EEF2K: variants seen among roughly 807,000 people sequenced by gnomAD.
The protein encoded by EEF2K is alternative protein EEF2K.
A neutral mutation model predicts 93.8 loss-of-function variants in EEF2K; 70 were observed. The observed-to-expected ratio is 0.75, with a 90% CI of 0.62 to 0.91. EEF2K has a LOEUF of 0.91. Ranked by LOEUF, EEF2K falls within the 40% of genes least tolerant of loss-of-function variation. The pLI, the probability that EEF2K is intolerant of heterozygous loss-of-function variation, is 0.00. For synonymous variants in EEF2K, 376 were observed against 380.8 expected (o/e 0.99, Z 0.15); for missense variants, 935 against 972.9 (o/e 0.96, Z 0.52).
intron 16 of EEF2K, among the ~76,000 whole-genome samples, chr16:22,275,525 TACAG>T (rs1225663267): frequency 6.6e-6 from 1 of 151,718 alleles, no homozygotes; most frequent in East Asian, 1.9e-4. Context: ...ATATTTTAAA[TACAG>T]ACAAGATTTC....
At chr16:22,218,242 G>C (rs2046977238) in intron 1 of EEF2K, among the ~76,000 whole-genome samples, 1 of 152,226 alleles carries the variant, frequency 6.6e-6, no homozygotes, top group Non-Finnish European at 1.5e-5. Context: ...ACAGAAGCTG[G>C]TGCGTGATTC....
chr16:22,252,930 T>C (rs995136326), intron 6 of EEF2K, among the ~76,000 whole-genome samples: 4 of 152,140 alleles, frequency 2.6e-5, no homozygotes, highest in Non-Finnish European at 5.9e-5. Context: ...ACCCCCATGA[T>C]TCAATTATCT....
intron 14 of EEF2K, 82 bp downstream of exon 14, chr16:22,266,606 C>A (rs2047521918): frequency 6.3e-7 from 1 of 1,591,752 alleles, no homozygotes. Flanking sequence ...CTAATCACTT[C>A]CTCCCGCAGG....
At position 22,258,636 on chromosome 16, in the gene EEF2K, ACT is replaced by A. The variant is rs2047432623; in HGVS notation, c.1178_1179del (p.Leu393ProfsTer24). ...GAGAACATGAGCGACGTGACCTTCG[ACT>A]CTCTCCCTTCTTCCCCATCTTCGGC... On this transcript the variant is annotated frameshift_variant, in exon 10 of 18. Coordinates refer to ENST00000263026, the MANE Select transcript of EEF2K (RefSeq NM_013302.5). LOFTEE classifies it high-confidence loss of function. The A allele has an allele frequency of 6.2e-7, 1 of 1,613,104 alleles. No homozygotes were observed. Among genetic ancestry groups the A allele is most frequent in the Non-Finnish European group, 8.5e-7 (1 of 1,179,792 alleles).
At chr16:22,216,219 T>G (rs112629206) in intron 1 of EEF2K, among the ~76,000 whole-genome samples, 8 of 152,190 alleles carry the variant, frequency 5.3e-5, no homozygotes, top group African/African-American at 1.9e-4. Context: ...GTTTAAAATA[T>G]CTTCAGAACA....
At chr16:22,218,898 G>C (rs2046985196) in intron 1 of EEF2K, among the ~76,000 whole-genome samples, 1 of 150,494 alleles carries the variant, frequency 6.6e-6, no homozygotes, top group Non-Finnish European at 1.5e-5. Flanking sequence ...GGCCGAAGAG[G>C]GTGGATCACT....
rs748228451 is a variant in EEF2K, at chr16:22,266,528, T to C, written c.1575+4T>C. On this transcript the variant is annotated splice_donor_region_variant and intron_variant, in intron 14 of 17. Transcript: ENST00000263026. Reference sequence around the variant, plus strand: ...CGGGAAGTCCATTTTGGGGAAGGTATCGGCGATGCCCATTTTGGAGCCCTG... The same window carrying C: ...CGGGAAGTCCATTTTGGGGAAGGTACCGGCGATGCCCATTTTGGAGCCCTG... 38 of 1,613,932 alleles carry C rather than the reference T, an allele frequency of 2.4e-5. No individual in the cohort carries two copies. The highest frequency in any genetic ancestry group is 2.3e-5 in the Non-Finnish European group (27 of 1,179,980).
chr16:22,253,960 A>G (rs1378448280), intron 6 of EEF2K, among the ~76,000 whole-genome samples: 1 of 151,970 alleles, frequency 6.6e-6, no homozygotes, highest in East Asian at 1.9e-4. Flanking sequence ...TTAGCTGGGC[A>G]TGGTGGTGCA....
intron 6 of EEF2K, among the ~76,000 whole-genome samples, chr16:22,254,045 G>T (rs1397065544): frequency 6.6e-6 from 1 of 152,152 alleles, no homozygotes; most frequent in Non-Finnish European, 1.5e-5. Flanking sequence ...GCTGCAGTGA[G>T]CCGAGATTGG....
intron 16 of EEF2K, among the ~76,000 whole-genome samples, chr16:22,274,783 A>G (rs1398674544): frequency 6.6e-6 from 1 of 151,934 alleles, no homozygotes; most frequent in African/African-American, 2.4e-5. Context: ...AAATTTTTAA[A>G]TTTGTTGGAG....
intron 2 of EEF2K, among the ~76,000 whole-genome samples, chr16:22,231,494 C>T (rs1265359695): frequency 2.0e-5 from 3 of 152,054 alleles, no homozygotes; most frequent in Admixed American, 1.3e-4. Flanking sequence ...GGGAAGTTTG[C>T]ACCCAGCAGT....
chr16:22,206,879 A>G (rs768666093), intron 1 of EEF2K, among the ~76,000 whole-genome samples, 200 bp downstream of exon 1: 7 of 152,126 alleles, frequency 4.6e-5, no homozygotes, highest in Non-Finnish European at 8.8e-5. Context: ...GCTTTGGAGA[A>G]ATGGGGAAGT....
In EEF2K at chr16:22,286,284, T is replaced by C. The variant is rs183593878; in HGVS notation, c.*2288T>C. ...TTTAAACCAGTGCATATAAATTGTATGTTAAATGTAAGTAACTTTAAGTTG... is the reference window on the plus strand; with the variant it reads ...TTTAAACCAGTGCATATAAATTGTACGTTAAATGTAAGTAACTTTAAGTTG... On this transcript the variant is annotated 3_prime_UTR_variant, in exon 18 of 18. Coordinates refer to ENST00000263026, the MANE Select transcript of EEF2K (RefSeq NM_013302.5). 1.3e-5 allele frequency: 2 copies of C among 152,338 alleles called. No individual in the cohort carries two copies. The highest frequency in any genetic ancestry group is 1.9e-4 in the East Asian group (1 of 5,186). 9.4% of individuals were successfully genotyped at this position (152,338 alleles called of 1,614,324 possible).
intron 6 of EEF2K, among the ~76,000 whole-genome samples, chr16:22,255,884 T>TG (rs1335765324): frequency 6.6e-6 from 1 of 151,860 alleles, no homozygotes; most frequent in Non-Finnish European, 1.5e-5. Flanking sequence ...CACTCCAGCC[T>TG]GGGCGACAGA....
intron 3 of EEF2K, among the ~76,000 whole-genome samples, chr16:22,245,183 G>A (rs1249145411): frequency 6.6e-6 from 1 of 152,048 alleles, no homozygotes; most frequent in Non-Finnish European, 1.5e-5. Context: ...CAGGAGAATC[G>A]CTTGAACTCA....
chr16:22,279,323 T>TAACTCCTGGGCTCAAGCTATCCTCC (rs1174255965), intron 16 of EEF2K, among the ~76,000 whole-genome samples: 1 of 149,686 alleles, frequency 6.7e-6, no homozygotes, highest in African/African-American at 2.4e-5. Flanking sequence ...CTGCAGCCTC[T>TAACTCCTGGGCTCAAGCTATCCTCC]AACTCCTGGG....
At chr16:22,230,575 G>A (rs1349051270) in intron 2 of EEF2K, among the ~76,000 whole-genome samples, 1 of 152,062 alleles carries the variant, frequency 6.6e-6, no homozygotes, top group African/African-American at 2.4e-5. Flanking sequence ...AGGCTGGAGT[G>A]CAGTGACATG....
chr16:22,247,445 CA>C lies in EEF2K; in HGVS notation c.348-1295del, dbSNP rs376610133. Among the ~76,000 whole-genome samples, 882 of 138,946 alleles carry C rather than the reference CA, an allele frequency of 6.3e-3. 6 individuals are homozygous for C. Among genetic ancestry groups the C allele is most frequent in the African/African-American group, 0.016 (593 of 38,074 alleles). 91.2% of individuals were successfully genotyped at this position (138,946 alleles called of 152,430 possible). A position where few individuals can be genotyped will look rare whatever the true frequency, so the allele number is the denominator to read the frequency against. On this transcript the variant is annotated intron_variant, in intron 3 of 17. Coordinates refer to ENST00000263026, the MANE Select transcript of EEF2K (RefSeq NM_013302.5). The stretch of plus-strand genomic sequence containing the variant: ...CCTGGGTGATGGGGAGATTCTGTGT[CA>C]AAAAAAAAAAAAAATTCTCTAACCT...
chr16:22,218,936 T>TAAA (rs11370005), intron 1 of EEF2K, among the ~76,000 whole-genome samples: 9 of 111,972 alleles, frequency 8.0e-5, no homozygotes, highest in East Asian at 4.5e-4. Context: ...ACAAAAAAAT[T>TAAA]AAAAAAAAAA....
Sources: gnomAD v4.1 joint callset for allele counts (sites outside exome capture counted in the v4.1 genomes callset) on GRCh38, gnomAD v4.1.1 for gene constraint, MANE v1.5 for transcripts, NCBI Gene and HGNC (gene_info 2026-07-23, HGNC 2026-07-21) for gene names.